The following SHANK1 variants were observed in gnomAD, a reference collection of about 807,000 sequenced individuals.
SHANK1 encodes the protein SH3 and multiple ankyrin repeat domains 1.
Under a neutral mutation model 165.6 loss-of-function variants are expected in SHANK1, and 35 were observed. That is an observed-to-expected ratio of 0.21 (90% CI 0.16 to 0.28). The LOEUF is 0.28. Ranked by LOEUF, SHANK1 falls within the 10% of genes least tolerant of loss-of-function variation. The pLI, the probability that SHANK1 is intolerant of heterozygous loss-of-function variation, is 1.00. For synonymous variants in SHANK1, 1,428 were observed against 1,384.8 expected (o/e 1.03, Z -0.69); for missense variants, 2,681 against 3,036.4 (o/e 0.88, Z 2.75).
intron 5 of SHANK1, 83 bp from the exon 6 acceptor site, chr19:50,714,032 C>A: frequency 6.4e-7 from 1 of 1,570,530 alleles, no homozygotes; most frequent in South Asian, 1.2e-5. Context: ...TGCAGCTCTC[C>A]ACCCCACAGC....
Position 50,719,671 on chromosome 19 carries a change from G to C in SHANK1, c.-309C>G, listed in dbSNP as rs1422515740. ...CCGCGCCCCTCCTCGCCCGCCCCCG[G>C]CTCGGTCCGGCCGGCTCCGGGCGCC... On this transcript the variant is annotated 5_prime_UTR_variant, in exon 1 of 24. Transcript: ENST00000293441. Among the ~76,000 whole-genome samples the C allele has an allele frequency of 6.8e-6, 1 of 147,348 alleles. No individual in the cohort carries two copies. The highest frequency in any genetic ancestry group is 2.5e-5 in the African/African-American group (1 of 40,224).
chr19:50,666,291 G>A lies in SHANK1; in HGVS notation c.5669C>T (p.Ala1890Val). Residue 1890 changes from alanine to valine, a missense_variant, in exon 23 of 24, where the codon GCT becomes GTT. By Grantham distance (64) the Ala-to-Val change is moderately conservative. Around this residue, in one of 10 missense-constraint regions of SHANK1, gnomAD observed 1,713 missense variants for 1,630.2 expected, o/e 1.05. Transcript: ENST00000293441. ...ACTGCCTCCTCGGGCCCAGGGCAGA[G>A]CGCCGCCAGCTGCCGAGGAGCCCCC... Reference protein sequence around the residue: ...QFGGSSAAGGALPWARGGSGG... With the variant: ...QFGGSSAAGGVLPWARGGSGG... 6.2e-7 allele frequency: 1 copy of A among 1,612,090 alleles called. No individual in the cohort carries two copies. Among genetic ancestry groups the A allele is most frequent in the Non-Finnish European group, 8.5e-7 (1 of 1,179,418 alleles).
chr19:50,709,271 T>C (rs1057463299), intron 8 of SHANK1, among the ~76,000 whole-genome samples: 5 of 151,956 alleles, frequency 3.3e-5, no homozygotes, highest in Non-Finnish European at 7.4e-5. Context: ...CCCGAGTAGC[T>C]GGGACTACAG....
Position 50,660,957 on chromosome 19 carries a change from G to A in SHANK1, c.*1008C>T, listed in dbSNP as rs914680728. On this transcript the variant is annotated 3_prime_UTR_variant, in exon 24 of 24. Coordinates refer to ENST00000293441, the MANE Select transcript of SHANK1 (RefSeq NM_016148.5). ...GGGAAGGCGGGGGGTGGGGGGCTAG[G>A]AGTGTCATGGTGAGAGGGGAGAGTT... Among the ~76,000 whole-genome samples, 2 of 151,812 alleles carry A rather than the reference G, an allele frequency of 1.3e-5. No individual in the cohort carries two copies. The highest frequency in any genetic ancestry group is 4.8e-5 in the African/African-American group (2 of 41,300).
In SHANK1 at chr19:50,697,809, G is replaced by A. The variant is rs768157577; in HGVS notation, c.1861+34C>T. 6.4e-7 allele frequency: 1 copy of A among 1,569,174 alleles called. No individual in the cohort carries two copies. Among genetic ancestry groups the A allele is most frequent in the South Asian group, 1.1e-5 (1 of 90,084 alleles). ...AAAGGAGTGGACGTGGGAATCCTAGGGTCCATTGAACACTGCTGGGGGTTC... is the reference window on the plus strand; with the variant it reads ...AAAGGAGTGGACGTGGGAATCCTAGAGTCCATTGAACACTGCTGGGGGTTC... On this transcript the variant is annotated intron_variant, in intron 13 of 23. Transcript: ENST00000293441. The surrounding 1 kb of genome is among the most constrained non-coding windows in gnomAD (Gnocchi z 4.7).
At position 50,698,044 on chromosome 19, in the gene SHANK1, A is replaced by G. The variant is rs1986797779; in HGVS notation, c.1748-88T>C. 1.3e-5 allele frequency: 12 copies of G among 939,216 alleles called. 2 individuals are homozygous for G. In the South Asian group the frequency reaches 1.7e-4, roughly 13 times the overall value. 58.2% of individuals were successfully genotyped at this position (939,216 alleles called of 1,614,324 possible). A position where few individuals can be genotyped will look rare whatever the true frequency, so the allele number is the denominator to read the frequency against. On this transcript the variant is annotated intron_variant, in intron 12 of 23. Coordinates refer to ENST00000293441, the MANE Select transcript of SHANK1 (RefSeq NM_016148.5). ...CACACTCAACTTAGAGCATTCCCAC[A>G]GTTACCAGCTCCTGGCCCAAGGCCA...
rs1986936978 is a variant in SHANK1, at chr19:50,702,155, C to G, written c.1747+312G>C. On this transcript the variant is annotated intron_variant, in intron 12 of 23. Coordinates refer to ENST00000293441, the MANE Select transcript of SHANK1 (RefSeq NM_016148.5). This position sits in a 1 kb window ranked among gnomAD's most constrained non-coding sequence, Gnocchi z 5.3. Reference sequence around the variant, plus strand: ...TGTTCCTTCAACCATGCAATGGGGCCCATGACCTCCCTCCCCAGAAAGGGC... The same window carrying G: ...TGTTCCTTCAACCATGCAATGGGGCGCATGACCTCCCTCCCCAGAAAGGGC... Among the ~76,000 whole-genome samples the G allele has an allele frequency of 8.8e-6, 1 of 113,560 alleles. No individual in the cohort carries two copies. The highest frequency in any genetic ancestry group is 9.6e-5 in the Admixed American group (1 of 10,394). 74.5% of individuals were successfully genotyped at this position (113,560 alleles called of 152,430 possible). A position where few individuals can be genotyped will look rare whatever the true frequency, so the allele number is the denominator to read the frequency against.
chr19:50,673,025 A>C (rs1166268214), intron 21 of SHANK1, among the ~76,000 whole-genome samples: 2 of 151,912 alleles, frequency 1.3e-5, no homozygotes, highest in Non-Finnish European at 2.9e-5. Flanking sequence ...TGCAGCCCTT[A>C]AGAATCACCC....
chr19:50,699,943 G>A (rs1445498424), intron 12 of SHANK1, among the ~76,000 whole-genome samples: 4 of 135,786 alleles, frequency 2.9e-5, no homozygotes, highest in Non-Finnish European at 6.3e-5. Context: ...TGGAGGGCTC[G>A]GGGCATTGGA....
In SHANK1 at chr19:50,667,099, C is replaced by T. The variant is rs766094069; in HGVS notation, c.4861G>A (p.Ala1621Thr). The T allele has an allele frequency of 1.1e-5, 17 of 1,533,022 alleles. No individual in the cohort carries two copies. Among genetic ancestry groups the T allele is most frequent in the East Asian group, 2.4e-5 (1 of 41,906 alleles). The allele number at this position is 1,533,022 out of a possible 1,614,324, so 95.0% of individuals were successfully genotyped here. A position where few individuals can be genotyped will look rare whatever the true frequency, so the allele number is the denominator to read the frequency against. Residue 1621 changes from alanine to threonine, a missense_variant, in exon 23 of 24, where the codon GCA becomes ACA. Ala to Thr is a moderately conservative substitution (Grantham distance 58, BLOSUM62 0). Transcript: ENST00000293441. This position sits in a 1 kb window ranked among gnomAD's most constrained non-coding sequence, Gnocchi z 5.7. ...AAAPPTLDST[A>T]SSLTSYDSEV... Reference sequence around the variant, plus strand: ...CTGTCATAGGATGTCAGGCTGGATGCGGTGGAGTCCAGGGTGGGAGGGGCT... The same window carrying T: ...CTGTCATAGGATGTCAGGCTGGATGTGGTGGAGTCCAGGGTGGGAGGGGCT...
intron 8 of SHANK1, among the ~76,000 whole-genome samples, chr19:50,704,857 T>C (rs1291900939): frequency 6.6e-6 from 1 of 151,462 alleles, no homozygotes; most frequent in African/African-American, 2.4e-5. Context: ...CAGACCAGCC[T>C]GGGTGACATA....
intron 19 of SHANK1, chr19:50,687,176 G>A (rs1281719895): frequency 3.8e-6 from 2 of 522,856 alleles, no homozygotes; most frequent in Admixed American, 4.1e-5. Context: ...CCCCCTGTCA[G>A]GGGAAATGGG....
rs1177348180 is a variant in SHANK1, at chr19:50,666,998, T to C, written c.4962A>G (p.Ala1654=). The change falls in exon 23 of 24, where the codon GCA becomes GCG. Residue 1654 remains alanine (A), a synonymous_variant. Coordinates refer to ENST00000293441, the MANE Select transcript of SHANK1 (RefSeq NM_016148.5). ...GCTGTGGGGCAGCGGGAGCCGGTGCTGCTGGGGCAGGCGGGCCTGGTGGAT... is the reference window on the plus strand; with the variant it reads ...GCTGTGGGGCAGCGGGAGCCGGTGCCGCTGGGGCAGGCGGGCCTGGTGGAT... ...DPHPPGPPAP[A]APAPAAPQPG... 1 of 1,570,122 alleles carries C rather than the reference T, an allele frequency of 6.4e-7. No individual in the cohort carries two copies. Among genetic ancestry groups the C allele is most frequent in the Admixed American group, 1.8e-5 (1 of 56,526 alleles).
chr19:50,679,710 G>C (rs1401567952), intron 21 of SHANK1, among the ~76,000 whole-genome samples: 2 of 152,236 alleles, frequency 1.3e-5, no homozygotes, highest in African/African-American at 4.8e-5. Context: ...AGGCAGCCCT[G>C]AGAGGGGATA....
chr19:50,685,067 C>T lies in SHANK1; in HGVS notation c.2577+1170G>A, dbSNP rs572573672. On this transcript the variant is annotated intron_variant, in intron 21 of 23. Coordinates refer to ENST00000293441, the MANE Select transcript of SHANK1 (RefSeq NM_016148.5). ...AGAGTAAATGGACCCCTGACCACTA[C>T]GTGGTGGATGCGGCCAGAGGATGGG... Among the ~76,000 whole-genome samples the T allele has an allele frequency of 4.5e-3, 691 of 152,306 alleles. 3 individuals carry two copies. Among genetic ancestry groups the T allele is most frequent in the Non-Finnish European group, 7.9e-3 (540 of 68,028 alleles).
intron 21 of SHANK1, among the ~76,000 whole-genome samples, chr19:50,684,958 C>T (rs541762279): frequency 1.3e-5 from 2 of 152,334 alleles, no homozygotes; most frequent in African/African-American, 4.8e-5. Flanking sequence ...TCATGTTATG[C>T]ATTTATAAGC....
chr19:50,663,925 TC>T (rs199707861), intron 23 of SHANK1, among the ~76,000 whole-genome samples: 2,172 of 71,794 alleles, frequency 0.03, 64 homozygotes, highest in African/African-American at 0.11. Flanking sequence ...TTCTTTTCTT[TC>T]TCTCTCTCTC....
At position 50,697,242 on chromosome 19, in the gene SHANK1, C is replaced by T. The variant is rs566290422; in HGVS notation, c.1938-120G>A. 290 of 1,406,388 alleles carry T rather than the reference C, an allele frequency of 2.1e-4. No individual in the cohort carries two copies. The highest frequency in any genetic ancestry group is 2.7e-4 in the Non-Finnish European group (273 of 996,116). 87.1% of individuals were successfully genotyped at this position (1,406,388 alleles called of 1,614,324 possible). A position where few individuals can be genotyped will look rare whatever the true frequency, so the allele number is the denominator to read the frequency against. On this transcript the variant is annotated intron_variant, in intron 14 of 23. Transcript: ENST00000293441. This position sits in a 1 kb window ranked among gnomAD's most constrained non-coding sequence, Gnocchi z 4.7. ...CCCACACCGGTGCATGGGACACACACATTCCCACTGCACATGACTGCACAG... is the reference window on the plus strand; with the variant it reads ...CCCACACCGGTGCATGGGACACACATATTCCCACTGCACATGACTGCACAG...
chr19:50,691,944 C>T (rs1986551236), intron 15 of SHANK1, among the ~76,000 whole-genome samples: 1 of 152,142 alleles, frequency 6.6e-6, no homozygotes, highest in African/African-American at 2.4e-5. Context: ...CTCAGCCTCC[C>T]AAAGTGTTGG....
Sources: allele counts gnomAD v4.1 joint callset (sites outside exome capture counted in the v4.1 genomes callset), GRCh38; gene constraint gnomAD v4.1.1; regional missense constraint gnomAD v4.1.1; non-coding constraint Gnocchi (gnomAD v3.1); transcripts MANE v1.5; gene names NCBI Gene and HGNC (gene_info 2026-07-23, HGNC 2026-07-21).